The following ZNF503 variants were observed in gnomAD, a reference collection of about 807,000 sequenced individuals.
ZNF503 encodes the protein NocA-like zinc finger 2.
Under a neutral mutation model 34.4 loss-of-function variants are expected in ZNF503, and 15 were observed. The observed-to-expected ratio is 0.44, with a 90% CI of 0.29 to 0.67. ZNF503 has a LOEUF of 0.67. ZNF503 is among the 30% of genes least tolerant of loss of function. ZNF503 has a pLI of 0.13. For synonymous variants in ZNF503, 580 were observed against 456.8 expected (o/e 1.27, Z -3.44); for missense variants, 1,007 against 926.8 (o/e 1.09, Z -1.12).
chr10:75,364,667 A>G, the ZNF503 span, among the ~76,000 whole-genome samples: 1 of 152,212 alleles, frequency 6.6e-6, no homozygotes, highest in East Asian at 1.9e-4. Context: ...AAGACTCTAG[A>G]AGAGACGTTT....
In ZNF503 at chr10:75,399,611, G is replaced by A. The variant is rs1411149203; in HGVS notation, c.1079C>T (p.Pro360Leu). The change falls in exon 2 of 2, where the codon CCA (proline) becomes CTA (leucine). Residue 360 changes from proline to leucine, a missense_variant. Pro to Leu is a moderately conservative substitution (Grantham distance 98). Transcript: ENST00000372524. ...GGCGTAGGCCCCGGCCAGGCTGCCT[G>A]GGTAGGTCATACCCGCGGGAGGCAG... ...FPLPPAGMTY[P>L]GSLAGAYAGY... 1.3e-6 allele frequency: 2 copies of A among 1,598,048 alleles called. No homozygotes were observed. Among genetic ancestry groups the A allele is most frequent in the East Asian group, 2.2e-5 (1 of 44,868 alleles).
chr10:75,399,711 TG>T lies in ZNF503; in HGVS notation c.978del (p.Thr327ProfsTer31). ...GSSSGSGPSAPTSSSVLGSGL... is the reference protein window; with the variant it reads ...GSSSGSGPSAXTSSSVLGSGL... ...CCAGAGCCCAACACTGAGGAGGAGGTGGGCGCGCTGGGGCCGGAGCCGGAGC... is the reference window on the plus strand; with the variant it reads ...CCAGAGCCCAACACTGAGGAGGAGGTGGCGCGCTGGGGCCGGAGCCGGAGC... On this transcript the variant is annotated frameshift_variant, in exon 2 of 2. Coordinates refer to ENST00000372524, the MANE Select transcript of ZNF503 (RefSeq NM_032772.6). LOFTEE classifies it high-confidence loss of function. 1 of 1,598,318 alleles carries T rather than the reference TG, an allele frequency of 6.3e-7. No homozygotes were observed.
chr10:75,286,952 C>T, the ZNF503 span, among the ~76,000 whole-genome samples: 1 of 152,310 alleles, frequency 6.6e-6, no homozygotes, highest in South Asian at 2.1e-4. Context: ...TAAGCTCCCA[C>T]CACTGGGAGT....
chr10:75,318,644 G>C, the ZNF503 span, among the ~76,000 whole-genome samples: 4 of 140,510 alleles, frequency 2.8e-5, no homozygotes, highest in Non-Finnish European at 6.0e-5. Context: ...ACTCCAGCCT[G>C]AGTGACACAG....
At chr10:75,383,497 A>C in the ZNF503 span, among the ~76,000 whole-genome samples, 3 of 151,998 alleles carry the variant, frequency 2.0e-5, no homozygotes, top group Admixed American at 2.0e-4. Flanking sequence ...GGTGACTGCA[A>C]TCTCTGCCCC....
the ZNF503 span, among the ~76,000 whole-genome samples, chr10:75,366,991 T>G: frequency 1.3e-5 from 2 of 152,132 alleles, no homozygotes; most frequent in African/African-American, 4.8e-5. Flanking sequence ...CAAATCCTCA[T>G]CTCAGAATCT....
chr10:75,387,297 G>A, the ZNF503 span, among the ~76,000 whole-genome samples: 1 of 152,316 alleles, frequency 6.6e-6, no homozygotes, highest in Middle Eastern at 3.4e-3. Context: ...AGGTTTTATT[G>A]GCTAGGGCTT....
chr10:75,401,338 C>G lies in ZNF503; in HGVS notation c.82G>C (p.Ala28Pro). ...GGGGGGGGGG[A>P]DPAWTSALSG... ...AGCGCGCTGGTCCAGGCAGGGTCTG[C>G]ACCGCCGCCTCCGCCTCCGCCGCCG... The change falls in exon 1 of 2, where the codon GCA (alanine) becomes CCA (proline). Residue 28 changes from alanine to proline, a missense_variant. Ala to Pro is a conservative substitution (Grantham distance 27). Coordinates refer to ENST00000372524, the MANE Select transcript of ZNF503 (RefSeq NM_032772.6). The G allele has an allele frequency of 6.5e-7, 1 of 1,538,018 alleles. No homozygotes were observed. Among genetic ancestry groups the G allele is most frequent in the South Asian group, 1.2e-5 (1 of 84,180 alleles).
the ZNF503 span, among the ~76,000 whole-genome samples, chr10:75,389,487 T>C: frequency 1.3e-5 from 2 of 152,166 alleles, no homozygotes; most frequent in African/African-American, 4.8e-5. Context: ...CCTAGCACTT[T>C]GGGAGGCTGA....
the ZNF503 span, among the ~76,000 whole-genome samples, chr10:75,373,742 A>C: frequency 6.6e-6 from 1 of 152,210 alleles, no homozygotes; most frequent in Non-Finnish European, 1.5e-5. Flanking sequence ...GGAATTTCCT[A>C]TCTCATAGGG....
chr10:75,307,920 A>G, the ZNF503 span, among the ~76,000 whole-genome samples: 1 of 152,270 alleles, frequency 6.6e-6, no homozygotes, highest in East Asian at 1.9e-4. Flanking sequence ...CTCTACAAAA[A>G]AATAAAAAAA....
In ZNF503 at chr10:75,400,135, CTTATCCGAGCCGGGTT is replaced by C; in HGVS notation, c.539_554del (p.Lys180ArgfsTer110). On this transcript the variant is annotated frameshift_variant, in exon 2 of 2. Transcript: ENST00000372524. LOFTEE classifies it high-confidence loss of function. Reference sequence around the variant, plus strand: ...CTCCACCGCCGCCTCCCGGCTCCTTCTTATCCGAGCCGGGTTTGGAGTACGGCTTGAAACTCGACTT... The same window carrying C: ...CTCCACCGCCGCCTCCCGGCTCCTTCTGGAGTACGGCTTGAAACTCGACTT... 6.5e-7 allele frequency: 1 copy of C among 1,533,630 alleles called. No individual in the cohort carries two copies. The highest frequency in any genetic ancestry group is 8.8e-7 in the Non-Finnish European group (1 of 1,137,210).
chr10:75,296,840 G>T, the ZNF503 span, among the ~76,000 whole-genome samples: 1 of 152,124 alleles, frequency 6.6e-6, no homozygotes, highest in Non-Finnish European at 1.5e-5. Flanking sequence ...CAACAGAGGA[G>T]ATGGCCCATG....
the ZNF503 span, among the ~76,000 whole-genome samples, chr10:75,376,544 T>C: frequency 6.6e-6 from 1 of 152,058 alleles, no homozygotes; most frequent in Non-Finnish European, 1.5e-5. Context: ...GTTAGGAGGC[T>C]GAGGCATGAG....
the ZNF503 span, among the ~76,000 whole-genome samples, chr10:75,305,504 T>C: frequency 6.6e-6 from 1 of 152,186 alleles, no homozygotes; most frequent in African/African-American, 2.4e-5. Flanking sequence ...GTTTTTTTGT[T>C]TTGGTAAAAT....
At chr10:75,311,346 TA>T in the ZNF503 span, among the ~76,000 whole-genome samples, 3 of 152,314 alleles carry the variant, frequency 2.0e-5, no homozygotes, top group South Asian at 6.2e-4. Context: ...ACTCAAATGT[TA>T]ATCTCCTTTG....
the ZNF503 span, among the ~76,000 whole-genome samples, chr10:75,300,704 C>CTTTTTTTTTTTT: frequency 3.8e-4 from 41 of 108,752 alleles, 1 homozygote; most frequent in South Asian, 6.2e-4. Context: ...TTCTTTCTTT[C>CTTTTTTTTTTTT]TTTTTTTTTT....
downstream of ZNF503, among the ~76,000 whole-genome samples, chr10:75,396,527 C>G (rs1201413490): frequency 6.6e-6 from 1 of 152,184 alleles, no homozygotes; most frequent in African/African-American, 2.4e-5. This position sits in a 1 kb window ranked among gnomAD's most constrained non-coding sequence, Gnocchi z 4.4. Flanking sequence ...AGTCACCAAT[C>G]CCGGTGCAAA....
At chr10:75,333,135 C>T in the ZNF503 span, among the ~76,000 whole-genome samples, 15 of 125,294 alleles carry the variant, frequency 1.2e-4, no homozygotes, top group South Asian at 5.8e-4. Context: ...CTGGACGGGG[C>T]GGCTGGCCGG....
Sources: allele counts gnomAD v4.1 joint callset (sites outside exome capture counted in the v4.1 genomes callset), GRCh38; gene constraint gnomAD v4.1.1; non-coding constraint Gnocchi (gnomAD v3.1); transcripts MANE v1.5; gene names NCBI Gene and HGNC (gene_info 2026-07-23, HGNC 2026-07-21).